Variants in ACAD9 observed in about 807,000 individuals in gnomAD.
ACAD9 encodes acyl-CoA dehydrogenase family member 9.
ACAD9 carries 53 observed loss-of-function variants against 70.2 expected under a neutral mutation model. The observed-to-expected ratio is 0.75, with a 90% CI of 0.61 to 0.95. ACAD9 has a LOEUF of 0.95. Ranked by LOEUF, ACAD9 falls within the 40% of genes least tolerant of loss-of-function variation. ACAD9 has a pLI of 0.00. For synonymous variants in ACAD9, 313 were observed against 312.1 expected, an observed-to-expected ratio of 1.00 and a Z score of -0.03; for missense variants, 777 against 802.8, an observed-to-expected ratio of 0.97 and a Z score of 0.39.
intron 2 of ACAD9, among the ~76,000 whole-genome samples, chr3:128,890,086 A>T (rs1004740619): frequency 6.6e-6 from 1 of 152,044 alleles, no homozygotes. Context: ...TCAGCCTCTT[A>T]AAGTGTTGGG....
At chr3:128,885,632 A>G (rs1430274927) in intron 2 of ACAD9, among the ~76,000 whole-genome samples, 1 of 152,162 alleles carries the variant, frequency 6.6e-6, no homozygotes, top group East Asian at 1.9e-4. Context: ...GGCTCAAGTG[A>G]TCCTCCCACC....
chr3:128,884,890 C>A, intron 2 of ACAD9, 144 bp downstream of exon 2: 1 of 713,238 alleles, frequency 1.4e-6, no homozygotes, highest in Non-Finnish European at 2.5e-6. Context: ...AGGTTTCATC[C>A]CTATTGCCAT....
chr3:128,901,479 G>A lies in ACAD9; in HGVS notation c.882+130G>A, dbSNP rs545572463. On this transcript the variant is annotated intron_variant, in intron 8 of 17. Coordinates refer to ENST00000308982, the MANE Select transcript of ACAD9 (RefSeq NM_014049.5). Reference sequence around the variant, plus strand: ...GGCAGGTGACTTTGCATGGTTATCTGTTGGGAAATTGGCAAAATGGACACT... The same window carrying A: ...GGCAGGTGACTTTGCATGGTTATCTATTGGGAAATTGGCAAAATGGACACT... The A allele has an allele frequency of 6.4e-5, 69 of 1,083,872 alleles. No individual in the cohort carries two copies. The Middle Eastern group carries it at 9.9e-4, about 16-fold the overall frequency. 67.1% of individuals were successfully genotyped at this position (1,083,872 alleles called of 1,614,324 possible).
At position 128,909,988 on chromosome 3, in the gene ACAD9, G is replaced by A. The variant is rs767382585; in HGVS notation, c.1564-33G>A. The A allele has an allele frequency of 6.8e-6, 11 of 1,610,750 alleles. No individual in the cohort carries two copies. In the African/African-American group the frequency reaches 1.5e-4, roughly 21 times the overall value. On this transcript the variant is annotated intron_variant, in intron 15 of 17. Coordinates refer to ENST00000308982, the MANE Select transcript of ACAD9 (RefSeq NM_014049.5). ...ACCATGTGGGGGACTGGTCTAGGTA[G>A]TGAGTCCCCACTTGGAGCCTCTGTG... is the stretch of plus-strand genomic sequence containing the variant.
rs2107656335 is a variant in ACAD9, at chr3:128,902,497, GGCCTCCTCCCTCT to G, written c.883-48_883-36del. On this transcript the variant is annotated intron_variant, in intron 8 of 17. Coordinates refer to ENST00000308982, the MANE Select transcript of ACAD9 (RefSeq NM_014049.5). This position sits in a 1 kb window ranked among gnomAD's most constrained non-coding sequence, Gnocchi z 4.0. ...GATCCACCTGGCCTGGTTTCGTTGC[GGCCTCCTCCCTCT>G]GCCTCCTTCAGGGCCCCTGGGCTCT... 6.3e-7 allele frequency: 1 copy of G among 1,592,390 alleles called. No homozygotes were observed. The highest frequency in any genetic ancestry group is 8.6e-7 in the Non-Finnish European group (1 of 1,160,388).
At chr3:128,882,863 C>G (rs1023304218) in intron 1 of ACAD9, among the ~76,000 whole-genome samples, 1 of 152,190 alleles carries the variant, frequency 6.6e-6, no homozygotes, top group African/African-American at 2.4e-5. Flanking sequence ...CTCCCACGCC[C>G]CTGCAATCTC....
chr3:128,895,539 T>A, intron 4 of ACAD9, 123 bp downstream of exon 4: 1 of 872,416 alleles, frequency 1.1e-6, no homozygotes, highest in Non-Finnish European at 1.9e-6. Context: ...AGCCCTGCCC[T>A]TCAGTTCCCT....
Position 128,902,778 on chromosome 3 carries a change from CAGAG to C in ACAD9, c.958+151_958+154del. ...TCAGTCCCTGGGCTTTTGTGGAGACCAGAGGGTCTCCTCAGCCTGCCCCTGAGGT... is the reference window on the plus strand; with the variant it reads ...TCAGTCCCTGGGCTTTTGTGGAGACCGGTCTCCTCAGCCTGCCCCTGAGGT... On this transcript the variant is annotated intron_variant, in intron 9 of 17. Coordinates refer to ENST00000308982, the MANE Select transcript of ACAD9 (RefSeq NM_014049.5). The surrounding 1 kb of genome is among the most constrained non-coding windows in gnomAD (Gnocchi z 4.0). The C allele has an allele frequency of 9.1e-6, 8 of 876,568 alleles. No individual in the cohort carries two copies. Among genetic ancestry groups the C allele is most frequent in the South Asian group, 1.5e-5 (1 of 68,896 alleles). 54.3% of individuals were successfully genotyped at this position (876,568 alleles called of 1,614,324 possible). A position where few individuals can be genotyped will look rare whatever the true frequency, so the allele number is the denominator to read the frequency against.
At chr3:128,901,205 T>C in intron 7 of ACAD9, 71 bp from the exon 8 acceptor site, 8 of 1,379,220 alleles carry the variant, frequency 5.8e-6, no homozygotes, top group Non-Finnish European at 8.3e-6. Flanking sequence ...GATGGATGAA[T>C]TGCCTGCTTG....
intron 12 of ACAD9, among the ~76,000 whole-genome samples, chr3:128,906,880 G>A (rs1256129126): frequency 6.6e-6 from 1 of 152,210 alleles, no homozygotes; most frequent in African/African-American, 2.4e-5. Flanking sequence ...TGACAGCAGA[G>A]GAATTTGGAA....
chr3:128,883,204 C>T (rs1423218783), intron 1 of ACAD9, among the ~76,000 whole-genome samples: 1 of 152,004 alleles, frequency 6.6e-6, no homozygotes, highest in African/African-American at 2.4e-5. Flanking sequence ...ATCCTCCCAC[C>T]TCAGCCTCCT....
At chr3:128,880,901 T>C (rs1935069354) in intron 1 of ACAD9, among the ~76,000 whole-genome samples, 1 of 152,208 alleles carries the variant, frequency 6.6e-6, no homozygotes, top group Non-Finnish European at 1.5e-5. Flanking sequence ...ATCTACAAAA[T>C]AGGAATAAAC....
chr3:128,910,435 G>A (rs376705596), intron 16 of ACAD9: 18 of 1,219,622 alleles, frequency 1.5e-5, no homozygotes, highest in African/African-American at 4.6e-5. Context: ...GGAGGGAGGC[G>A]GGTGCAGTCT....
At chr3:128,898,318 C>G (rs535874542) in intron 6 of ACAD9, 8 of 410,926 alleles carry the variant, frequency 1.9e-5, no homozygotes, top group Non-Finnish European at 2.9e-5. Flanking sequence ...CTCAGCATGC[C>G]TCTCTAAAAG....
chr3:128,909,038 T>G lies in ACAD9; in HGVS notation c.1424T>G (p.Leu475Arg), dbSNP rs1438467385. 3 of 1,614,162 alleles carry G rather than the reference T, an allele frequency of 1.9e-6. No homozygotes were observed. The Admixed American group carries it at 5.0e-5, about 27-fold the overall frequency. ...DTVGRRLRDS[L>R]GRTVDLGLTG... ...GTTGGCCGGAGGCTTCGGGACTCCC[T>G]GGGCCGAACTGTGGACCTGGGGCTG... Residue 475 changes from leucine (L) to arginine (R), a missense_variant, in exon 14 of 18, where the codon CTG (leucine) becomes CGG (arginine). Physicochemically the swap from Leu to Arg is moderately radical, Grantham distance 102 (BLOSUM62 -2). Transcript: ENST00000308982.
At chr3:128,887,244 C>T (rs1365824462) in intron 2 of ACAD9, among the ~76,000 whole-genome samples, 2 of 152,004 alleles carry the variant, frequency 1.3e-5, no homozygotes, top group African/African-American at 4.8e-5. Context: ...AAGCAAGAAA[C>T]ACACACTTCC....
chr3:128,912,424 G>A (rs1936436770), intron 17 of ACAD9, 83 bp from the exon 18 acceptor site: 1 of 1,283,692 alleles, frequency 7.8e-7, no homozygotes, highest in South Asian at 1.2e-5. Context: ...GGCTGACTTT[G>A]TGGAAAAATG....
In ACAD9 at chr3:128,910,100, C is replaced by T. The variant is rs368227855; in HGVS notation, c.1643C>T (p.Ser548Leu). 7 of 1,613,560 alleles carry T rather than the reference C, an allele frequency of 4.3e-6. No individual in the cohort carries two copies. Among genetic ancestry groups the T allele is most frequent in the African/African-American group, 2.7e-5 (2 of 74,946 alleles). ...CTGTATGGCATGACGGCCGTGCTGT[C>T]GCGGGCCAGCCGCTCCATCCGCATT... is the stretch of plus-strand genomic sequence containing the variant. ...INLYGMTAVL[S>L]RASRSIRIGL... Residue 548 changes from serine (S) to leucine (L), a missense_variant, in exon 16 of 18, where the codon TCG becomes TTG. Transcript: ENST00000308982.
At chr3:128,880,125 C>G in intron 1 of ACAD9, 2 of 1,019,168 alleles carry the variant, frequency 2.0e-6, no homozygotes, top group South Asian at 1.6e-5. Flanking sequence ...ATTAACAAAG[C>G]AGCCTTCATC....
Sources: allele counts gnomAD v4.1 joint callset (sites outside exome capture counted in the v4.1 genomes callset), GRCh38; gene constraint gnomAD v4.1.1; non-coding constraint Gnocchi (gnomAD v3.1); transcripts MANE v1.5; gene names NCBI Gene and HGNC (gene_info 2026-07-23, HGNC 2026-07-21).